Variants in BMAL1 observed in about 807,000 individuals in gnomAD.
The protein encoded by BMAL1 is basic helix-loop-helix ARNT like 1, also known as basic helix-loop-helix ARNT-like protein 1.
At chr11:13,387,211 GTA>G in the BMAL1 span, 1 of 153,590 alleles carries the variant, frequency 6.5e-6, no homozygotes, top group African/African-American at 2.4e-5. Context: ...ATGGGTTAAA[GTA>G]TAATGTACTA....
chr11:13,380,457 C>T, the BMAL1 span: 1 of 152,244 alleles, frequency 6.6e-6, no homozygotes, highest in African/African-American at 2.4e-5. Flanking sequence ...GTGATGGATT[C>T]TTTCCTGAGG....
At chr11:13,331,609 A>G in the BMAL1 span, among the ~76,000 whole-genome samples, 1 of 152,194 alleles carries the variant, frequency 6.6e-6, no homozygotes, top group Non-Finnish European at 1.5e-5. Context: ...CATGAGTGCT[A>G]TGTTCCCAAT....
At chr11:13,282,871 G>A in the BMAL1 span, among the ~76,000 whole-genome samples, 1 of 152,204 alleles carries the variant, frequency 6.6e-6, no homozygotes, top group African/African-American at 2.4e-5. Flanking sequence ...TCTTGTGGAG[G>A]AGGAGATGGG....
At chr11:13,305,429 T>A in the BMAL1 span, among the ~76,000 whole-genome samples, 1 of 152,234 alleles carries the variant, frequency 6.6e-6, no homozygotes, top group Non-Finnish European at 1.5e-5. Flanking sequence ...GAAATCCAAT[T>A]GATTTTTTTG....
chr11:13,312,583 G>T, the BMAL1 span, among the ~76,000 whole-genome samples: 1 of 152,122 alleles, frequency 6.6e-6, no homozygotes, highest in Non-Finnish European at 1.5e-5. Context: ...AGAAAATAGC[G>T]CTAGAAGGCA....
the BMAL1 span, among the ~76,000 whole-genome samples, chr11:13,310,263 C>T: frequency 1.2e-4 from 18 of 151,974 alleles, no homozygotes; most frequent in East Asian, 3.5e-3. Context: ...AGAGGGAGGC[C>T]AGAGGAGGGG....
chr11:13,342,686 G>T, the BMAL1 span, among the ~76,000 whole-genome samples: 1 of 152,154 alleles, frequency 6.6e-6, no homozygotes, highest in African/African-American at 2.4e-5. Context: ...TGGGATTAGT[G>T]TTCCATGGCA....
chr11:13,309,839 T>A, the BMAL1 span: 2 of 152,572 alleles, frequency 1.3e-5, no homozygotes, highest in African/African-American at 4.8e-5. Context: ...CTGGGGAGGC[T>A]TACAGGGAAA....
At chr11:13,363,968 C>T in the BMAL1 span, among the ~76,000 whole-genome samples, 1 of 152,200 alleles carries the variant, frequency 6.6e-6, no homozygotes, top group Non-Finnish European at 1.5e-5. Context: ...TGCTGGCTTT[C>T]CTCTGGAGTA....
the BMAL1 span, among the ~76,000 whole-genome samples, chr11:13,287,979 A>G: frequency 6.6e-6 from 1 of 152,300 alleles, no homozygotes; most frequent in South Asian, 2.1e-4. Flanking sequence ...GAACATCTTT[A>G]TGAGCATTGT....
chr11:13,377,732 C>T, the BMAL1 span, among the ~76,000 whole-genome samples: 1 of 152,240 alleles, frequency 6.6e-6, no homozygotes, highest in African/African-American at 2.4e-5. Flanking sequence ...TTTCATCTAT[C>T]ATGCTCTCAT....
At chr11:13,288,607 T>C in the BMAL1 span, among the ~76,000 whole-genome samples, 1 of 151,566 alleles carries the variant, frequency 6.6e-6, no homozygotes, top group Non-Finnish European at 1.5e-5. Flanking sequence ...ACCACTGGAT[T>C]TGTTTTATTA....
the BMAL1 span, among the ~76,000 whole-genome samples, chr11:13,359,889 CA>C: frequency 2.0e-5 from 3 of 152,088 alleles, no homozygotes; most frequent in Non-Finnish European, 4.4e-5. Context: ...ATGCCTTCCA[CA>C]ATATATTTAC....
At chr11:13,277,055 A>C in the BMAL1 span, 1 of 152,286 alleles carries the variant, frequency 6.6e-6, no homozygotes, top group Middle Eastern at 3.2e-3. Flanking sequence ...CTTGGAGGTC[A>C]TGATGAACGC....
the BMAL1 span, among the ~76,000 whole-genome samples, chr11:13,347,704 A>G: frequency 6.6e-6 from 1 of 151,970 alleles, no homozygotes. Context: ...AAAACAAGCC[A>G]GACATGGTAG....
chr11:13,287,462 T>C, the BMAL1 span, among the ~76,000 whole-genome samples: 2 of 152,234 alleles, frequency 1.3e-5, no homozygotes. Context: ...AGTGGCAATG[T>C]CATCTCTTGT....
the BMAL1 span, among the ~76,000 whole-genome samples, chr11:13,355,635 AGGCAGAG>A: frequency 6.6e-6 from 1 of 152,206 alleles, no homozygotes; most frequent in Non-Finnish European, 1.5e-5. Context: ...TGTGACTGTC[AGGCAGAG>A]CTTTTTCTCA....
chr11:13,369,416 CTG>C, the BMAL1 span, among the ~76,000 whole-genome samples: 7 of 152,214 alleles, frequency 4.6e-5, no homozygotes, highest in Admixed American at 1.3e-4. Flanking sequence ...GTAGCACACT[CTG>C]TGATTTATAA....
chr11:13,359,174 C>G, the BMAL1 span, among the ~76,000 whole-genome samples: 2 of 152,132 alleles, frequency 1.3e-5, no homozygotes, highest in Admixed American at 1.3e-4. Flanking sequence ...GGTGAGAAAA[C>G]ATAGGCAGAA....
Sources: gnomAD v4.1 joint callset for allele counts (sites outside exome capture counted in the v4.1 genomes callset) on GRCh38, gnomAD v4.1.1 for gene constraint, MANE v1.5 for transcripts, NCBI Gene and HGNC (gene_info 2026-07-23, HGNC 2026-07-21) for gene names.